BTBD1: variants seen among roughly 807,000 people sequenced by gnomAD.
The protein encoded by BTBD1 is BTB/POZ domain-containing protein 1.
A neutral mutation model predicts 48.0 loss-of-function variants in BTBD1; 34 were observed. The ratio of observed to expected loss-of-function variants is 0.71; its 90% CI spans 0.54 to 0.94. The LOEUF (loss-of-function observed/expected upper bound fraction) is 0.94, where lower values mean the gene tolerates loss of function less well. BTBD1 is among the 40% of genes least tolerant of loss of function. BTBD1 has a pLI of 0.00. For synonymous variants in BTBD1, 261 were observed against 242.1 expected (o/e 1.08, Z -0.72); for missense variants, 543 against 625.6 (o/e 0.87, Z 1.41).
At position 83,017,220 on chromosome 15, in the gene BTBD1, T is replaced by C. The variant is rs777899749; in HGVS notation, c.*847A>G. 2 of 152,664 alleles carry C rather than the reference T, an allele frequency of 1.3e-5. No homozygotes were observed. Among genetic ancestry groups the C allele is most frequent in the Non-Finnish European group, 2.9e-5 (2 of 68,048 alleles). 9.5% of individuals were successfully genotyped at this position (152,664 alleles called of 1,614,324 possible). A position where few individuals can be genotyped will look rare whatever the true frequency, so the allele number is the denominator to read the frequency against. ...AAATGTTAGTATTTTATTCGGTTTC[T>C]TGCTGTGAAGGATTATCACAATGTT... On this transcript the variant is annotated 3_prime_UTR_variant, in exon 8 of 8. Transcript: ENST00000261721.
At chr15:83,064,089 GCA>G (rs2033221080) in intron 1 of BTBD1, among the ~76,000 whole-genome samples, 1 of 152,188 alleles carries the variant, frequency 6.6e-6, no homozygotes, top group Non-Finnish European at 1.5e-5. Context: ...AGTTCAAAGT[GCA>G]CAGTTTCTTT....
intron 6 of BTBD1, chr15:83,019,993 A>C (rs1197126306): frequency 6.4e-6 from 1 of 156,330 alleles, no homozygotes; most frequent in Non-Finnish European, 1.4e-5. Context: ...AAAAAAAAAA[A>C]AAAGAAGCAG....
intron 4 of BTBD1, among the ~76,000 whole-genome samples, chr15:83,034,009 G>C (rs964372975): frequency 6.7e-6 from 1 of 150,266 alleles, no homozygotes; most frequent in African/African-American, 2.4e-5. Context: ...GATAACCTGA[G>C]CCCAGGAGGT....
At position 83,052,862 on chromosome 15, in the gene BTBD1, G is replaced by A. The variant is rs993091610; in HGVS notation, c.559-2684C>T. Reference sequence around the variant, plus strand: ...TCACTGTGTTAGCCAGGATGGTCTCGATCTCCTGACCCCGTGATCTGCCCA... The same window carrying A: ...TCACTGTGTTAGCCAGGATGGTCTCAATCTCCTGACCCCGTGATCTGCCCA... On this transcript the variant is annotated intron_variant, in intron 2 of 7. Coordinates refer to ENST00000261721, the MANE Select transcript of BTBD1 (RefSeq NM_025238.4). 1.4e-4 allele frequency among the ~76,000 whole-genome samples: 19 copies of A among 140,518 alleles called. No homozygotes were observed. The South Asian group carries it at 3.6e-3, about 27-fold the overall frequency. The allele number at this position is 140,518 out of a possible 152,430, so 92.2% of individuals were successfully genotyped here. A position where few individuals can be genotyped will look rare whatever the true frequency, so the allele number is the denominator to read the frequency against.
chr15:83,039,644 G>A (rs1387126264), intron 4 of BTBD1, among the ~76,000 whole-genome samples: 1 of 151,714 alleles, frequency 6.6e-6, no homozygotes, highest in Non-Finnish European at 1.5e-5. Context: ...CTTGGTGGCG[G>A]GCGGGCGTAT....
intron 1 of BTBD1, among the ~76,000 whole-genome samples, chr15:83,059,821 G>A (rs1010615660): frequency 6.6e-6 from 1 of 152,046 alleles, no homozygotes; most frequent in Admixed American, 6.5e-5. Context: ...CAAACTCCTG[G>A]CCTCAAGCAA....
intron 3 of BTBD1, chr15:83,044,660 G>A: frequency 2.0e-6 from 3 of 1,523,240 alleles, no homozygotes; most frequent in Non-Finnish European, 2.7e-6. Context: ...AGCATCAGGA[G>A]TGGGATGGGA....
In BTBD1 at chr15:83,067,193, C is replaced by T. The variant is rs1410811142; in HGVS notation, c.-42G>A. ...TGCCCACGTTATGGACAAAACTCCG[C>T]CGCCATCGCCCAGGCCGCCTCCGGA... is the stretch of plus-strand genomic sequence containing the variant. On this transcript the variant is annotated 5_prime_UTR_variant, in exon 1 of 8. Coordinates refer to ENST00000261721, the MANE Select transcript of BTBD1 (RefSeq NM_025238.4). 1 of 1,358,544 alleles carries T rather than the reference C, an allele frequency of 7.4e-7. No homozygotes were observed. Among genetic ancestry groups the T allele is most frequent in the Non-Finnish European group, 9.5e-7 (1 of 1,057,340 alleles). The allele number at this position is 1,358,544 out of a possible 1,614,324, so 84.2% of individuals were successfully genotyped here. A position where few individuals can be genotyped will look rare whatever the true frequency, so the allele number is the denominator to read the frequency against.
chr15:83,064,165 G>A (rs1424130142), intron 1 of BTBD1, among the ~76,000 whole-genome samples: 1 of 152,184 alleles, frequency 6.6e-6, no homozygotes, highest in Non-Finnish European at 1.5e-5. Flanking sequence ...ATGTTTACAA[G>A]TATGCCCAAA....
At chr15:83,035,185 C>T (rs374513375) in intron 4 of BTBD1, among the ~76,000 whole-genome samples, 184 of 151,760 alleles carry the variant, frequency 1.2e-3, no homozygotes, top group African/African-American at 4.3e-3. Flanking sequence ...TCCCAGCTAC[C>T]GGGGAGGCTG....
At chr15:83,044,230 T>C (rs2032826211) in intron 3 of BTBD1, 2 of 606,264 alleles carry the variant, frequency 3.3e-6, no homozygotes, top group Non-Finnish European at 5.8e-6. Context: ...TTATATCCAG[T>C]ACATATTGTT....
At chr15:83,049,728 C>A (rs1327237196) in intron 3 of BTBD1, among the ~76,000 whole-genome samples, 1 of 152,122 alleles carries the variant, frequency 6.6e-6, no homozygotes, top group Non-Finnish European at 1.5e-5. Context: ...CGTTTTAAAT[C>A]TTAATTTTCA....
chr15:83,048,488 A>G (rs914226600), intron 3 of BTBD1, among the ~76,000 whole-genome samples: 4 of 152,192 alleles, frequency 2.6e-5, no homozygotes, highest in African/African-American at 7.2e-5. Context: ...CTCCTACAAG[A>G]CAAAAGGTAC....
At chr15:83,057,212 T>C (rs182059350) in intron 1 of BTBD1, among the ~76,000 whole-genome samples, 18 of 152,224 alleles carry the variant, frequency 1.2e-4, no homozygotes, top group Non-Finnish European at 1.2e-4. Flanking sequence ...GAGAGCTGTT[T>C]ACCATAACAC....
chr15:83,037,670 A>G (rs2032655608), intron 4 of BTBD1, among the ~76,000 whole-genome samples: 1 of 152,138 alleles, frequency 6.6e-6, no homozygotes, highest in Non-Finnish European at 1.5e-5. Flanking sequence ...TCAACATAGT[A>G]CTGGTAGTCC....
chr15:83,050,511 C>T (rs1043506563), intron 2 of BTBD1, among the ~76,000 whole-genome samples: 2 of 149,354 alleles, frequency 1.3e-5, no homozygotes, highest in Admixed American at 6.7e-5. Flanking sequence ...CTTAATGAAC[C>T]CTTTATGTTA....
intron 4 of BTBD1, among the ~76,000 whole-genome samples, chr15:83,034,090 CAAAA>C (rs748026027): frequency 1.0e-4 from 7 of 67,174 alleles, no homozygotes; most frequent in Non-Finnish European, 9.1e-5. Context: ...CTGTCTACAC[CAAAA>C]AAAAAAAAAA....
intron 3 of BTBD1, among the ~76,000 whole-genome samples, chr15:83,049,437 T>A (rs954236467): frequency 3.9e-5 from 6 of 152,214 alleles, no homozygotes; most frequent in Admixed American, 3.9e-4. Flanking sequence ...ATCCATTCTT[T>A]AAGGCTCATA....
chr15:83,028,813 T>C (rs1226304213), intron 5 of BTBD1: 1 of 152,190 alleles, frequency 6.6e-6, no homozygotes, highest in Admixed American at 6.5e-5. Flanking sequence ...CAGCATATAA[T>C]TATATTCCCA....
Sources: allele counts gnomAD v4.1 joint callset (sites outside exome capture counted in the v4.1 genomes callset), GRCh38; gene constraint gnomAD v4.1.1; transcripts MANE v1.5; gene names NCBI Gene and HGNC (gene_info 2026-07-23, HGNC 2026-07-21).